HPSE2: variants seen among roughly 807,000 people sequenced by gnomAD.
The protein encoded by HPSE2 is inactive heparanase-2.
A neutral mutation model predicts 60.5 loss-of-function variants in HPSE2; 38 were observed. The observed-to-expected ratio is 0.63, with a 90% CI of 0.48 to 0.82. The LOEUF (loss-of-function observed/expected upper bound fraction) is 0.82, where lower values mean the gene tolerates loss of function less well. HPSE2 is among the 40% of genes least tolerant of loss of function. The probability of loss-of-function intolerance (pLI) is 0.00; values close to 1 mark genes in which losing one functional copy is unlikely to be tolerated. For missense variants in HPSE2, 713 were observed against 740.4 expected (o/e 0.96, Z 0.43); for synonymous variants, 295 against 293.2 (o/e 1.01, Z -0.06).
chr10:99,254,906 T>C, the HPSE2 span, among the ~76,000 whole-genome samples: 1 of 152,136 alleles, frequency 6.6e-6, no homozygotes, highest in Non-Finnish European at 1.5e-5. Context: ...TTGTCAGGAA[T>C]TGGGAAGAAG....
chr10:98,479,685 A>G (rs1049803976), intron 11 of HPSE2, among the ~76,000 whole-genome samples: 4 of 152,252 alleles, frequency 2.6e-5, no homozygotes, highest in Admixed American at 6.5e-5. Flanking sequence ...ACTCAGAAGA[A>G]TGAAGGGCCC....
chr10:99,315,516 G>A, the HPSE2 span, among the ~76,000 whole-genome samples: 1 of 152,154 alleles, frequency 6.6e-6, no homozygotes, highest in Non-Finnish European at 1.5e-5. Context: ...TCAGGGGAGA[G>A]GTGAAAAGCG....
At chr10:98,877,449 G>C (rs755124557) in intron 3 of HPSE2, among the ~76,000 whole-genome samples, 1 of 151,806 alleles carries the variant, frequency 6.6e-6, no homozygotes, top group Non-Finnish European at 1.5e-5. Context: ...TTGCTTCTCA[G>C]CTGCTATCTT....
At chr10:98,678,078 C>G (rs1419739056) in intron 6 of HPSE2, among the ~76,000 whole-genome samples, 1 of 152,096 alleles carries the variant, frequency 6.6e-6, no homozygotes, top group Non-Finnish European at 1.5e-5. Context: ...TTTTCTGCAA[C>G]AGCAGAAGTG....
chr10:98,874,844 C>A (rs935434151), intron 3 of HPSE2, among the ~76,000 whole-genome samples: 4 of 151,880 alleles, frequency 2.6e-5, no homozygotes, highest in Non-Finnish European at 4.4e-5. Flanking sequence ...TATCATAGGC[C>A]TTTTCCGGAT....
At chr10:98,830,702 C>T (rs111263254) in intron 3 of HPSE2, among the ~76,000 whole-genome samples, 7 of 152,224 alleles carry the variant, frequency 4.6e-5, no homozygotes, top group African/African-American at 1.4e-4. Flanking sequence ...AAACAGCCAT[C>T]TTGTTAGTAG....
intron 6 of HPSE2, among the ~76,000 whole-genome samples, chr10:98,666,715 A>T (rs1239336271): frequency 1.3e-5 from 2 of 152,190 alleles, no homozygotes; most frequent in South Asian, 2.1e-4. Flanking sequence ...AAGCAGAAAT[A>T]AAAAATTCCT....
At position 98,821,420 on chromosome 10, in the gene HPSE2, C is replaced by T. The variant is rs74462962; in HGVS notation, c.611-77364G>A. ...ATTTGTATATTTAAACATATCTCAA[C>T]ATAGAAAAGGTACAGTAAAAATAAG... is the stretch of plus-strand genomic sequence containing the variant. On this transcript the variant is annotated intron_variant, in intron 3 of 11. Transcript: ENST00000370552. 9.4e-3 allele frequency among the ~76,000 whole-genome samples: 1,430 copies of T among 152,204 alleles called. 23 individuals carry two copies. The highest frequency in any genetic ancestry group is 0.033 in the African/African-American group (1,374 of 41,536).
At chr10:99,058,972 A>G (rs1958174378) in intron 3 of HPSE2, among the ~76,000 whole-genome samples, 1 of 152,248 alleles carries the variant, frequency 6.6e-6, no homozygotes. Context: ...CTGTTGTAGC[A>G]TAAAAGCAAC....
the HPSE2 span, among the ~76,000 whole-genome samples, chr10:99,272,370 G>T: frequency 6.6e-6 from 1 of 151,854 alleles, no homozygotes; most frequent in Admixed American, 6.6e-5. Context: ...ATTGGCTTTG[G>T]CAAAGACTTC....
chr10:98,525,979 G>A (rs769493241), intron 9 of HPSE2, among the ~76,000 whole-genome samples: 2 of 152,166 alleles, frequency 1.3e-5, no homozygotes, highest in Non-Finnish European at 2.9e-5. Flanking sequence ...AACAATCTGA[G>A]AATGCATTGT....
chr10:99,008,107 T>C (rs1463926684), intron 3 of HPSE2, among the ~76,000 whole-genome samples: 3 of 152,198 alleles, frequency 2.0e-5, no homozygotes, highest in Non-Finnish European at 4.4e-5. Flanking sequence ...CTAGAACCCA[T>C]AGAGCACCAG....
At chr10:99,003,779 C>A (rs888360523) in intron 3 of HPSE2, among the ~76,000 whole-genome samples, 1 of 152,076 alleles carries the variant, frequency 6.6e-6, no homozygotes, top group Non-Finnish European at 1.5e-5. Context: ...TAGGTTCTTT[C>A]AACATTCTGT....
chr10:98,968,490 C>T (rs751887318), intron 3 of HPSE2, among the ~76,000 whole-genome samples: 6 of 152,042 alleles, frequency 3.9e-5, no homozygotes, highest in South Asian at 2.1e-4. Context: ...CCCAGCAATC[C>T]GACTACTGGG....
At chr10:98,804,758 G>T (rs559737293) in intron 3 of HPSE2, among the ~76,000 whole-genome samples, 52 of 152,248 alleles carry the variant, frequency 3.4e-4, no homozygotes, top group Non-Finnish European at 6.5e-4. Flanking sequence ...AGCTACTATA[G>T]GATTCAGCAA....
the HPSE2 span, among the ~76,000 whole-genome samples, chr10:99,294,726 G>A: frequency 2.6e-3 from 394 of 152,008 alleles, 2 homozygotes; most frequent in Non-Finnish European, 3.9e-3. Context: ...CTGAGGTCAG[G>A]AGTTTGAGAC....
intron 3 of HPSE2, among the ~76,000 whole-genome samples, chr10:99,079,330 G>A (rs1295619493): frequency 6.6e-6 from 1 of 151,734 alleles, no homozygotes; most frequent in Non-Finnish European, 1.5e-5. Flanking sequence ...AGGGGAAGGA[G>A]CTATGACAAC....
At chr10:98,972,060 G>A (rs999095270) in intron 3 of HPSE2, among the ~76,000 whole-genome samples, 15 of 152,014 alleles carry the variant, frequency 9.9e-5, no homozygotes, top group African/African-American at 2.2e-4. Flanking sequence ...GCCTTTCAAC[G>A]TATGGCATTA....
intron 3 of HPSE2, among the ~76,000 whole-genome samples, chr10:98,931,205 G>A (rs1414884400): frequency 6.9e-6 from 1 of 144,034 alleles, no homozygotes; most frequent in Non-Finnish European, 1.5e-5. Flanking sequence ...AGTTCTCCTA[G>A]CACCATTTAT....
Sources: allele counts gnomAD v4.1 joint callset (sites outside exome capture counted in the v4.1 genomes callset), GRCh38; gene constraint gnomAD v4.1.1; transcripts MANE v1.5; gene names NCBI Gene and HGNC (gene_info 2026-07-23, HGNC 2026-07-21).